The following DEPDC5 variants were observed in gnomAD, a reference collection of about 807,000 sequenced individuals.
DEPDC5 encodes the protein DEP domain containing 5, GATOR1 subcomplex subunit.
In DEPDC5, 73 loss-of-function variants were observed where a neutral mutation model predicts 217.3. The ratio of observed to expected loss-of-function variants is 0.34; its 90% CI spans 0.28 to 0.41. The LOEUF is 0.41. Ranked by LOEUF, DEPDC5 falls within the 10% of genes least tolerant of loss-of-function variation. The pLI, the probability that DEPDC5 is intolerant of heterozygous loss-of-function variation, is 1.00. For missense variants in DEPDC5, 1,675 were observed against 2,070.1 expected, an observed-to-expected ratio of 0.81 and a Z score of 3.70; for synonymous variants, 733 against 756.7, an observed-to-expected ratio of 0.97 and a Z score of 0.51.
chr22:31,897,714 C>T (rs1382092371), intron 40 of DEPDC5, 61 bp downstream of exon 40: 4 of 1,576,842 alleles, frequency 2.5e-6, no homozygotes, highest in Middle Eastern at 2.0e-4. Context: ...CTAACAAGGA[C>T]ACCACTCTGG....
chr22:31,858,302 C>G (rs1406505102), intron 32 of DEPDC5: 1 of 152,054 alleles, frequency 6.6e-6, no homozygotes, highest in African/African-American at 2.4e-5. Context: ...GGGGAAAATA[C>G]AGAAAACCTG....
In DEPDC5 at chr22:31,789,245, G is replaced by A. The variant is rs576231200; in HGVS notation, c.625-2788G>A. On this transcript the variant is annotated intron_variant, in intron 10 of 42. Transcript: ENST00000651528. ...AGGATAACACAAATAACAAATGTCT[G>A]TCAGCTAAAGCATAGATAAATAAAA... Among the ~76,000 whole-genome samples, 353 of 152,306 alleles carry A rather than the reference G, an allele frequency of 2.3e-3. 2 individuals carry two copies. The highest frequency in any genetic ancestry group is 8.2e-3 in the African/African-American group (342 of 41,568).
At chr22:31,879,451 A>G (rs1162816924) in intron 37 of DEPDC5, 74 bp from the exon 38 acceptor site, 6 of 1,397,406 alleles carry the variant, frequency 4.3e-6, no homozygotes, top group Non-Finnish European at 5.0e-6. Flanking sequence ...AAGGTTTATC[A>G]AGTTGTAGCA....
intron 38 of DEPDC5, among the ~76,000 whole-genome samples, chr22:31,889,296 A>G (rs1290095060): frequency 6.6e-6 from 1 of 152,240 alleles, no homozygotes; most frequent in Non-Finnish European, 1.5e-5. Context: ...ATAATCCGCT[A>G]GAAACATATG....
intron 21 of DEPDC5, among the ~76,000 whole-genome samples, chr22:31,818,667 T>C (rs999238002): frequency 2.0e-5 from 3 of 152,182 alleles, no homozygotes; most frequent in Non-Finnish European, 4.4e-5. Flanking sequence ...TCCTCCCTCT[T>C]AGAGAATATA....
chr22:31,859,485 G>A (rs1247229712), intron 32 of DEPDC5, among the ~76,000 whole-genome samples: 1 of 150,398 alleles, frequency 6.6e-6, no homozygotes, highest in Admixed American at 6.7e-5. Flanking sequence ...TCAGCCTCCC[G>A]GGTTCAAGCA....
chr22:31,890,869 G>T (rs1314419304), intron 38 of DEPDC5, among the ~76,000 whole-genome samples: 2 of 151,822 alleles, frequency 1.3e-5, no homozygotes, highest in Non-Finnish European at 2.9e-5. Context: ...GGGATTACAG[G>T]CATGCATCAC....
At chr22:31,776,471 CGTA>C (rs995916510) in intron 7 of DEPDC5, among the ~76,000 whole-genome samples, 4 of 151,664 alleles carry the variant, frequency 2.6e-5, no homozygotes, top group African/African-American at 9.7e-5. Context: ...TGGCCATTCA[CGTA>C]GTAAGTGTCA....
rs117074556 is a variant in DEPDC5 at position 31,772,254 on chromosome 22, G to A, written c.413+3391G>A. ...TGAAAACAAACAAAAATTTGTTAGC[G>A]GGTCAGTGTTCTTTAAAACATCCAA... is the stretch of plus-strand genomic sequence containing the variant. On this transcript the variant is annotated intron_variant, in intron 7 of 42. Coordinates refer to ENST00000651528, the MANE Select transcript of DEPDC5 (RefSeq NM_001242896.3). Among the ~76,000 whole-genome samples the A allele has an allele frequency of 2.2e-3, 332 of 152,172 alleles. 7 individuals carry two copies. In the East Asian group the frequency reaches 0.059, roughly 27 times the overall value.
At chr22:31,849,990 A>G (rs2091944057) in intron 31 of DEPDC5, among the ~76,000 whole-genome samples, 1 of 151,964 alleles carries the variant, frequency 6.6e-6, no homozygotes, top group Non-Finnish European at 1.5e-5. Flanking sequence ...ATGGTGGCGC[A>G]TGCCTGTAAT....
rs146744706 is a variant in DEPDC5 at position 31,755,156 on chromosome 22, A to G, written c.58+177A>G. The G allele has an allele frequency of 3.3e-3, 1,979 of 597,324 alleles. 19 individuals carry two copies. The highest frequency in any genetic ancestry group is 0.025 in the African/African-American group (1,383 of 54,366). 37.0% of individuals were successfully genotyped at this position (597,324 alleles called of 1,614,324 possible). A position where few individuals can be genotyped will look rare whatever the true frequency, so the allele number is the denominator to read the frequency against. ...GAGGATGGCAGGACCCTTCTAATGCATTTGCATTCAGACTTTTAAGGAACA... is the reference window on the plus strand; with the variant it reads ...GAGGATGGCAGGACCCTTCTAATGCGTTTGCATTCAGACTTTTAAGGAACA... On this transcript the variant is annotated intron_variant, in intron 2 of 42. Transcript: ENST00000651528.
At chr22:31,903,060 C>T in intron 41 of DEPDC5, among the ~76,000 whole-genome samples, 1 of 151,924 alleles carries the variant, frequency 6.6e-6, no homozygotes, top group Non-Finnish European at 1.5e-5. Flanking sequence ...TTTTCTACCA[C>T]AGATACCCTC....
At chr22:31,898,616 TAAG>T (rs1214334253) in intron 40 of DEPDC5, among the ~76,000 whole-genome samples, 1 of 152,094 alleles carries the variant, frequency 6.6e-6, no homozygotes, top group Non-Finnish European at 1.5e-5. Flanking sequence ...GCCCAAAAGA[TAAG>T]GAGATCTCCC....
At chr22:31,816,194 G>A (rs2089089674) in intron 21 of DEPDC5, among the ~76,000 whole-genome samples, 1 of 151,440 alleles carries the variant, frequency 6.6e-6, no homozygotes, top group Non-Finnish European at 1.5e-5. Flanking sequence ...CAGCTACTCA[G>A]GAGGCTGAGG....
chr22:31,860,452 C>T (rs753829558), intron 32 of DEPDC5, among the ~76,000 whole-genome samples: 1 of 152,142 alleles, frequency 6.6e-6, no homozygotes, highest in South Asian at 2.1e-4. Context: ...TGTCAAGTGC[C>T]ATTCCTGAAT....
intron 40 of DEPDC5, among the ~76,000 whole-genome samples, chr22:31,900,171 C>G (rs1485500306): frequency 1.3e-5 from 2 of 151,966 alleles, no homozygotes; most frequent in Non-Finnish European, 2.9e-5. Context: ...CACAGCCTCC[C>G]GATTACCTGG....
In DEPDC5 at chr22:31,765,049, G is replaced by A. The variant is rs768456731; in HGVS notation, c.268G>A (p.Val90Ile). The A allele has an allele frequency of 7.4e-6, 12 of 1,612,688 alleles. No homozygotes were observed. The highest frequency in any genetic ancestry group is 1.6e-4 in the Middle Eastern group (1 of 6,084). ...TTATCAGGATGTCTATGTTAATGTCGTAGACCCTAAGGTATGTCTTTGTTT... is the reference window on the plus strand; with the variant it reads ...TTATCAGGATGTCTATGTTAATGTCATAGACCCTAAGGTATGTCTTTGTTT... ...RPYQDVYVNV[V>I]DPKDVTLDLV... The change falls in exon 5 of 43, where the codon GTA becomes ATA. Residue 90 changes from valine to isoleucine, a missense_variant. This residue lies in a region of DEPDC5 where 628 missense variants were observed against 762.1 expected (regional missense o/e 0.82). Coordinates refer to ENST00000651528, the MANE Select transcript of DEPDC5 (RefSeq NM_001242896.3).
At chr22:31,776,852 GGCAT>G (rs1256202044) in intron 7 of DEPDC5, among the ~76,000 whole-genome samples, 4 of 152,000 alleles carry the variant, frequency 2.6e-5, no homozygotes, top group African/African-American at 4.8e-5. Flanking sequence ...TGGGATTACA[GGCAT>G]GAGCCACTGC....
chr22:31,813,116 T>TA (rs1330257898), intron 20 of DEPDC5, among the ~76,000 whole-genome samples: 1 of 152,146 alleles, frequency 6.6e-6, no homozygotes, highest in Non-Finnish European at 1.5e-5. Context: ...CAAATGAACT[T>TA]AGAGTGACCA....
Sources: gnomAD v4.1 joint callset for allele counts (sites outside exome capture counted in the v4.1 genomes callset) on GRCh38, gnomAD v4.1.1 for gene constraint, gnomAD v4.1.1 regional missense constraint, MANE v1.5 for transcripts, NCBI Gene and HGNC (gene_info 2026-07-23, HGNC 2026-07-21) for gene names.